ALK: variants seen among roughly 807,000 people sequenced by gnomAD.
ALK encodes the protein ALK tyrosine kinase receptor.
A neutral mutation model predicts 163.1 loss-of-function variants in ALK; 74 were observed. The ratio of observed to expected loss-of-function variants is 0.45; its 90% CI spans 0.38 to 0.55. The LOEUF (loss-of-function observed/expected upper bound fraction) is 0.55. Among genes scored for constraint, ALK ranks in the 20% least tolerant of loss-of-function variants. ALK has a pLI of 0.00. For synonymous variants in ALK, 960 were observed against 843.2 expected (o/e 1.14, Z -2.40); for missense variants, 2,063 against 2,105.3 (o/e 0.98, Z 0.39).
At chr2:29,206,106 G>A (rs1669302152) in intron 26 of ALK, among the ~76,000 whole-genome samples, 1 of 152,022 alleles carries the variant, frequency 6.6e-6, no homozygotes, top group South Asian at 2.1e-4. Flanking sequence ...AGGGGTGAGG[G>A]GCTCAGCCAC....
intron 4 of ALK, among the ~76,000 whole-genome samples, chr2:29,410,329 G>A (rs970435206): frequency 2.0e-5 from 3 of 152,180 alleles, no homozygotes; most frequent in Admixed American, 6.5e-5. Context: ...ATAACCCTTT[G>A]TGTATCACCT....
At chr2:29,571,380 C>T (rs888534169) in intron 3 of ALK, among the ~76,000 whole-genome samples, 10 of 152,040 alleles carry the variant, frequency 6.6e-5, no homozygotes, top group African/African-American at 2.4e-4. Flanking sequence ...GTGATTGGAT[C>T]ATGGGGGAAG....
intron 9 of ALK, among the ~76,000 whole-genome samples, chr2:29,294,575 T>C (rs1666126769): frequency 6.6e-6 from 1 of 152,244 alleles, no homozygotes; most frequent in African/African-American, 2.4e-5. Context: ...GGAAGATCAG[T>C]GGTTGTGATT....
chr2:29,769,007 C>A (rs958751581), intron 1 of ALK, among the ~76,000 whole-genome samples: 28 of 151,986 alleles, frequency 1.8e-4, no homozygotes, highest in African/African-American at 6.3e-4. Flanking sequence ...CTAATTTTTG[C>A]ATTTTTTATA....
rs1666211185 is a variant in ALK, at chr2:29,297,116, G to T, written c.1648-59C>A. 3 of 1,604,690 alleles carry T rather than the reference G, an allele frequency of 1.9e-6. No homozygotes were observed. The Admixed American group carries it at 5.0e-5, about 27-fold the overall frequency. On this transcript the variant is annotated intron_variant, in intron 8 of 28. Coordinates refer to ENST00000389048, the MANE Select transcript of ALK (RefSeq NM_004304.5). ...TGATTGCTGAAAGGTCCCCTTTCTG[G>T]AATTCTCCACTGAAGTTTCAAGGAC...
At chr2:29,364,955 G>C (rs1035094997) in intron 5 of ALK, among the ~76,000 whole-genome samples, 3 of 152,210 alleles carry the variant, frequency 2.0e-5, no homozygotes, top group African/African-American at 7.2e-5. Flanking sequence ...TCTTGTGCCA[G>C]TGTGTTACAT....
intron 26 of ALK, among the ~76,000 whole-genome samples, chr2:29,202,182 G>C (rs116037567): frequency 5.3e-5 from 8 of 152,106 alleles, no homozygotes; most frequent in Non-Finnish European, 7.4e-5. Context: ...TGTTCACACT[G>C]GCTTTTCCTG....
chr2:29,358,260 CTT>C (rs1668299671), intron 5 of ALK, among the ~76,000 whole-genome samples: 1 of 152,190 alleles, frequency 6.6e-6, no homozygotes, highest in Admixed American at 6.5e-5. Context: ...ATGCTGTCCT[CTT>C]AAGATATTTT....
At chr2:29,728,621 G>A (rs1050790202) in intron 1 of ALK, among the ~76,000 whole-genome samples, 1 of 152,226 alleles carries the variant, frequency 6.6e-6, no homozygotes, top group Non-Finnish European at 1.5e-5. Flanking sequence ...GATTACCTGA[G>A]AAGCTGATGC....
chr2:29,280,118 G>A (rs552996589), intron 9 of ALK, among the ~76,000 whole-genome samples: 1 of 152,326 alleles, frequency 6.6e-6, no homozygotes, highest in East Asian at 1.9e-4. Context: ...GGGGCTGTGG[G>A]AAAGTTCTAT....
chr2:29,194,644 C>A (rs1432745282), intron 28 of ALK, among the ~76,000 whole-genome samples: 1 of 149,444 alleles, frequency 6.7e-6, no homozygotes, highest in Non-Finnish European at 1.5e-5. Context: ...GGATTACAGG[C>A]ATGCACCCCA....
In ALK at chr2:29,920,267, G is replaced by A. The variant is rs765026986; in HGVS notation, c.393C>T (p.Ser131=). ...RTLSRVLKGG[S]VRKLRRAKQL... is the part of the protein sequence containing the mutation. ...GCTTGGCACGCCGGAGCTTGCGCACGGAGCCGCCCTTCAGCACCCTGGACA... is the reference window on the plus strand; with the variant it reads ...GCTTGGCACGCCGGAGCTTGCGCACAGAGCCGCCCTTCAGCACCCTGGACA... Residue 131 remains serine (S), a synonymous_variant, in exon 1 of 29, where the codon TCC becomes TCT. Transcript: ENST00000389048. The A allele has an allele frequency of 6.3e-6, 10 of 1,597,758 alleles. No individual in the cohort carries two copies. Among genetic ancestry groups the A allele is most frequent in the African/African-American group, 4.0e-5 (3 of 74,786 alleles).
At chr2:29,404,743 A>G (rs1372812684) in intron 4 of ALK, among the ~76,000 whole-genome samples, 1 of 152,228 alleles carries the variant, frequency 6.6e-6, no homozygotes, top group Non-Finnish European at 1.5e-5. Flanking sequence ...TTTCATACTA[A>G]AACTGTCTAA....
At chr2:29,836,455 T>A (rs567095118) in intron 1 of ALK, among the ~76,000 whole-genome samples, 4 of 152,096 alleles carry the variant, frequency 2.6e-5, no homozygotes, top group Non-Finnish European at 5.9e-5. Context: ...AAATAGAGAT[T>A]GGAATGCTCG....
intron 1 of ALK, among the ~76,000 whole-genome samples, chr2:29,759,560 T>G (rs751613023): frequency 6.6e-6 from 1 of 152,210 alleles, no homozygotes; most frequent in Non-Finnish European, 1.5e-5. Context: ...TTCTGGGAAA[T>G]TTCCAATGTC....
At chr2:29,216,653 GGT>G (rs984258623) in intron 23 of ALK, among the ~76,000 whole-genome samples, 1 of 136,830 alleles carries the variant, frequency 7.3e-6, no homozygotes, top group East Asian at 2.2e-4. Flanking sequence ...ATGTGCGTAT[GGT>G]GTGTGTGTTT....
chr2:29,548,713 T>G (rs1046625833), intron 3 of ALK, among the ~76,000 whole-genome samples: 3 of 152,166 alleles, frequency 2.0e-5, no homozygotes, highest in Admixed American at 1.3e-4. Flanking sequence ...GTACAGTGTT[T>G]CTTCAATAAA....
At chr2:29,370,966 G>A (rs939400095) in intron 5 of ALK, among the ~76,000 whole-genome samples, 3 of 152,228 alleles carry the variant, frequency 2.0e-5, no homozygotes, top group Non-Finnish European at 2.9e-5. Context: ...TTTGTTAATC[G>A]TTTTGTAGAT....
rs1573608454 is a variant in ALK at position 29,754,104 on chromosome 2, C to G, written c.668-36407G>C. Among the ~76,000 whole-genome samples the G allele has an allele frequency of 2.0e-5, 3 of 152,148 alleles. No individual in the cohort carries two copies. The South Asian group carries it at 6.2e-4, about 32-fold the overall frequency. On this transcript the variant is annotated intron_variant, in intron 1 of 28. Transcript: ENST00000389048. The stretch of plus-strand genomic sequence containing the variant: ...GCCACAAGGATAATAGATGGTTAAA[C>G]TAGGTTAGAATCCAGGTTTTCTAAC...
Sources: gnomAD v4.1 joint callset for allele counts (sites outside exome capture counted in the v4.1 genomes callset) on GRCh38, gnomAD v4.1.1 for gene constraint, MANE v1.5 for transcripts, NCBI Gene and HGNC (gene_info 2026-07-23, HGNC 2026-07-21) for gene names.